The following DAAM2 variants were observed in gnomAD, a reference collection of about 807,000 sequenced individuals.
DAAM2 encodes the protein disheveled-associated activator of morphogenesis 2.
A neutral mutation model predicts 120.7 loss-of-function variants in DAAM2; 39 were observed. The observed-to-expected ratio is 0.32, with a 90% CI of 0.25 to 0.42. DAAM2 has a LOEUF of 0.42. Ranked by LOEUF, DAAM2 falls within the 10% of genes least tolerant of loss-of-function variation. DAAM2 has a pLI of 1.00. For synonymous variants in DAAM2, 488 were observed against 524.9 expected, an observed-to-expected ratio of 0.93 and a Z score of 0.96; for missense variants, 1,283 against 1,401.7, an observed-to-expected ratio of 0.92 and a Z score of 1.35.
rs755570718 is a variant in DAAM2, at chr6:39,902,065, G to A, written c.*28G>A. On this transcript the variant is annotated 3_prime_UTR_variant, in exon 25 of 25. Transcript: ENST00000274867. The stretch of plus-strand genomic sequence containing the variant: ...TGGGGAACTAGCCACACAGGAGGCC[G>A]GGAGACAGGGACTGGTGAGAATGGG... 6.4e-6 allele frequency: 10 copies of A among 1,559,470 alleles called. No individual in the cohort carries two copies. The highest frequency in any genetic ancestry group is 5.4e-5 in the African/African-American group (4 of 73,728).
intron 1 of DAAM2, among the ~76,000 whole-genome samples, chr6:39,816,986 G>A (rs1398240223): frequency 6.6e-5 from 10 of 152,198 alleles, no homozygotes; most frequent in Admixed American, 3.3e-4. Flanking sequence ...TCTTGTTGCC[G>A]TAGTGGAAAC....
At chr6:39,834,148 G>A (rs989468389) in intron 1 of DAAM2, among the ~76,000 whole-genome samples, 7 of 152,138 alleles carry the variant, frequency 4.6e-5, no homozygotes, top group Non-Finnish European at 1.0e-4. Context: ...CTTGAATAAC[G>A]TACAATATCC....
Position 39,883,266 on chromosome 6 carries a change from T to TAG in DAAM2, c.1846-695_1846-694insGA, listed in dbSNP as rs1255948527. Among the ~76,000 whole-genome samples, 17 of 150,800 alleles carry TAG rather than the reference T, an allele frequency of 1.1e-4. No individual in the cohort carries two copies. The East Asian group carries it at 3.3e-3, about 29-fold the overall frequency. On this transcript the variant is annotated intron_variant, in intron 14 of 24. Coordinates refer to ENST00000274867, the MANE Select transcript of DAAM2 (RefSeq NM_001201427.2). ...TCCTACACAGAGATGGGGCAAGGCC[T>TAG]AAATGGAGAGACCTTGGAATGTAAA...
rs1429140453 is a variant in DAAM2, at chr6:39,883,869, C to T, written c.1846-93C>T. On this transcript the variant is annotated intron_variant, in intron 14 of 24. Transcript: ENST00000274867. ...GAAATCCTGGTCATCTTAGTATGTGCAGTTGGGAGATAAGTGGGGTTAGGG... is the reference window on the plus strand; with the variant it reads ...GAAATCCTGGTCATCTTAGTATGTGTAGTTGGGAGATAAGTGGGGTTAGGG... The T allele has an allele frequency of 5.1e-6, 4 of 781,358 alleles. No individual in the cohort carries two copies. In the East Asian group the frequency reaches 1.0e-4, roughly 20 times the overall value. The allele number at this position is 781,358 out of a possible 1,614,324, so 48.4% of individuals were successfully genotyped here. A position where few individuals can be genotyped will look rare whatever the true frequency, so the allele number is the denominator to read the frequency against.
chr6:39,795,674 G>C (rs1761678752), intron 1 of DAAM2, among the ~76,000 whole-genome samples: 1 of 152,132 alleles, frequency 6.6e-6, no homozygotes, highest in Non-Finnish European at 1.5e-5. Context: ...CCCAAATCTA[G>C]CTACATATTT....
chr6:39,867,450 T>C (rs1327100710), intron 5 of DAAM2, 60 bp from the exon 6 acceptor site: 4 of 1,546,930 alleles, frequency 2.6e-6, no homozygotes, highest in East Asian at 4.5e-5. Context: ...GGGTAACTAT[T>C]TGCAAAGTGT....
chr6:39,815,703 A>T (rs1762289290), intron 1 of DAAM2, among the ~76,000 whole-genome samples: 1 of 151,336 alleles, frequency 6.6e-6, no homozygotes, highest in Admixed American at 6.6e-5. Context: ...ACAAGGCTTC[A>T]TGAATGCGGT....
At chr6:39,865,346 G>T (rs1764383732) in intron 5 of DAAM2, among the ~76,000 whole-genome samples, 1 of 152,186 alleles carries the variant, frequency 6.6e-6, no homozygotes, top group Non-Finnish European at 1.5e-5. Flanking sequence ...AAAATTTATT[G>T]ATTTATTTTT....
At chr6:39,854,378 C>G (rs1203682366) in intron 1 of DAAM2, among the ~76,000 whole-genome samples, 1 of 152,180 alleles carries the variant, frequency 6.6e-6, no homozygotes, top group African/African-American at 2.4e-5. Context: ...GCAGGAGACA[C>G]AGCTCCTGCC....
chr6:39,825,512 G>A (rs1190082442), intron 1 of DAAM2, among the ~76,000 whole-genome samples: 3 of 152,056 alleles, frequency 2.0e-5, no homozygotes, highest in South Asian at 2.1e-4. Context: ...GCCCAGCTCT[G>A]CCAGTGTGTG....
intron 1 of DAAM2, chr6:39,849,057 C>T (rs1443455493): frequency 6.6e-6 from 1 of 152,188 alleles, no homozygotes; most frequent in African/African-American, 2.4e-5. Context: ...TAAGTGGAAT[C>T]ATATGAAATC....
intron 6 of DAAM2, 70 bp downstream of exon 6, chr6:39,867,913 T>G (rs1764497851): frequency 1.5e-5 from 20 of 1,333,218 alleles, no homozygotes; most frequent in Non-Finnish European, 2.0e-5. Context: ...AGTGAGAGCC[T>G]GAAGATTCTT....
At position 39,901,587 on chromosome 6, in the gene DAAM2, T is replaced by A; in HGVS notation, c.2982+115T>A. On this transcript the variant is annotated intron_variant, in intron 24 of 24. Coordinates refer to ENST00000274867, the MANE Select transcript of DAAM2 (RefSeq NM_001201427.2). This position sits in a 1 kb window ranked among gnomAD's most constrained non-coding sequence, Gnocchi z 4.5. Reference sequence around the variant, plus strand: ...GAGACTGAGGAACTGAGGAACACCATAGGGGTTGGATGTCAGCCCCAGGAG... The same window carrying A: ...GAGACTGAGGAACTGAGGAACACCAAAGGGGTTGGATGTCAGCCCCAGGAG... The A allele has an allele frequency of 1.6e-6, 2 of 1,227,734 alleles. No individual in the cohort carries two copies. The highest frequency in any genetic ancestry group is 2.2e-6 in the Non-Finnish European group (2 of 897,880). 76.1% of individuals were successfully genotyped at this position (1,227,734 alleles called of 1,614,324 possible). A position where few individuals can be genotyped will look rare whatever the true frequency, so the allele number is the denominator to read the frequency against.
At chr6:39,887,781 G>A in intron 16 of DAAM2, 189 bp downstream of exon 16, 1 of 545,956 alleles carries the variant, frequency 1.8e-6, no homozygotes, top group East Asian at 3.2e-5. Flanking sequence ...AAACTGCCCA[G>A]TCACGAGGCC....
chr6:39,810,219 C>A (rs1175144744), intron 1 of DAAM2, among the ~76,000 whole-genome samples: 2 of 152,110 alleles, frequency 1.3e-5, no homozygotes, highest in Non-Finnish European at 2.9e-5. Flanking sequence ...CATGTTGCTG[C>A]TGCAAACAAA....
chr6:39,847,836 C>G (rs73734923), intron 1 of DAAM2, among the ~76,000 whole-genome samples: 6,629 of 152,222 alleles, frequency 0.044, 432 homozygotes, highest in African/African-American at 0.15. Flanking sequence ...AATCTCAGAC[C>G]TCACAAACTC....
chr6:39,808,243 C>T (rs1762065192), intron 1 of DAAM2, among the ~76,000 whole-genome samples: 2 of 152,302 alleles, frequency 1.3e-5, no homozygotes, highest in Middle Eastern at 3.4e-3. Flanking sequence ...CTCTGTGGCT[C>T]ATTCCCACAC....
Position 39,904,234 on chromosome 6 carries a change from A to G in DAAM2, c.*2197A>G, listed in dbSNP as rs1156602322. The G allele has an allele frequency of 2.2e-6, 1 of 456,778 alleles. No homozygotes were observed. Among genetic ancestry groups the G allele is most frequent in the Non-Finnish European group, 4.4e-6 (1 of 226,982 alleles). 28.3% of individuals were successfully genotyped at this position (456,778 alleles called of 1,614,324 possible). On this transcript the variant is annotated 3_prime_UTR_variant, in exon 25 of 25. Transcript: ENST00000274867. ...TCAACTGTTGACAGAGGACACAAAT[A>G]CGTTGTTCCAGAGCTCAGCCTTCTC...
intron 6 of DAAM2, chr6:39,868,517 T>A: frequency 2.8e-6 from 1 of 360,196 alleles, no homozygotes; most frequent in Non-Finnish European, 5.1e-6. Flanking sequence ...GGAATACATA[T>A]GAGCTGTAAA....
Sources: gnomAD v4.1 joint callset for allele counts (sites outside exome capture counted in the v4.1 genomes callset) on GRCh38, gnomAD v4.1.1 for gene constraint, Gnocchi (gnomAD v3.1) non-coding constraint, MANE v1.5 for transcripts, NCBI Gene and HGNC (gene_info 2026-07-23, HGNC 2026-07-21) for gene names.